Variants in ESCO1 observed in about 807,000 individuals in gnomAD.
The protein encoded by ESCO1 is N-acetyltransferase ESCO1.
In ESCO1, 33 loss-of-function variants were observed where a neutral mutation model predicts 83.5. That is an observed-to-expected ratio of 0.40 (90% confidence interval 0.30 to 0.53). The LOEUF is 0.53. Among genes scored for constraint, ESCO1 ranks in the 20% least tolerant of loss-of-function variants. The pLI, the probability that ESCO1 is intolerant of heterozygous loss-of-function variation, is 0.63. For missense variants in ESCO1, 855 were observed against 968.0 expected, an observed-to-expected ratio of 0.88 and a Z score of 1.55; for synonymous variants, 332 against 324.3, an observed-to-expected ratio of 1.02 and a Z score of -0.25.
chr18:21,580,036 C>G (rs1568110051), intron 2 of ESCO1, among the ~76,000 whole-genome samples: 4 of 151,460 alleles, frequency 2.6e-5, no homozygotes, highest in Non-Finnish European at 2.9e-5. Flanking sequence ...GCTGGGATTA[C>G]AGGCACGCAC....
chr18:21,580,308 T>C (rs1316488835), intron 2 of ESCO1, among the ~76,000 whole-genome samples: 1 of 152,064 alleles, frequency 6.6e-6, no homozygotes, highest in Non-Finnish European at 1.5e-5. Context: ...CTCAAACTTC[T>C]AGAGGGGGGA....
chr18:21,536,455 G>A (rs543140722), intron 9 of ESCO1, among the ~76,000 whole-genome samples: 5 of 152,058 alleles, frequency 3.3e-5, no homozygotes, highest in African/African-American at 4.8e-5. Flanking sequence ...GCCAGGTGCC[G>A]CAGTGTGCGC....
At chr18:21,599,263 G>A (rs1441925307) in intron 1 of ESCO1, among the ~76,000 whole-genome samples, 2 of 152,174 alleles carry the variant, frequency 1.3e-5, no homozygotes, top group Non-Finnish European at 2.9e-5. Flanking sequence ...GCTTGGGGCC[G>A]GGGAGGGAGG....
At chr18:21,532,403 A>G (rs932404973) in intron 11 of ESCO1, 70 bp downstream of exon 11, 4 of 1,482,420 alleles carry the variant, frequency 2.7e-6, no homozygotes, top group Non-Finnish European at 3.6e-6. Flanking sequence ...TTAAATGCCA[A>G]TCTTTACACT....
chr18:21,592,124 C>T (rs1047159490), intron 1 of ESCO1, among the ~76,000 whole-genome samples: 3 of 149,690 alleles, frequency 2.0e-5, no homozygotes, highest in Admixed American at 6.7e-5. Context: ...CCCACCTTTC[C>T]CGGCTTTCTA....
At chr18:21,540,054 T>C (rs1449663201) in intron 8 of ESCO1, 45 bp from the exon 9 acceptor site, 12 of 1,450,440 alleles carry the variant, frequency 8.3e-6, no homozygotes. Flanking sequence ...AAAGTATGAA[T>C]TTTATGTATA....
chr18:21,532,133 C>G (rs1348669466), intron 11 of ESCO1, among the ~76,000 whole-genome samples: 1 of 151,970 alleles, frequency 6.6e-6, no homozygotes, highest in Non-Finnish European at 1.5e-5. Context: ...AGCTGAACTC[C>G]CAAGGAACTT....
chr18:21,577,975 G>A (rs1027454716), intron 2 of ESCO1, among the ~76,000 whole-genome samples: 1 of 152,102 alleles, frequency 6.6e-6, no homozygotes, highest in Non-Finnish European at 1.5e-5. Context: ...CTGAAGATGA[G>A]TACTACTGAA....
chr18:21,587,531 T>A (rs1392445547), intron 1 of ESCO1, among the ~76,000 whole-genome samples: 1 of 152,240 alleles, frequency 6.6e-6, no homozygotes, highest in Non-Finnish European at 1.5e-5. Flanking sequence ...ATTGTTCATA[T>A]TCCCTTTTAA....
At chr18:21,537,148 T>C (rs943850518) in intron 9 of ESCO1, among the ~76,000 whole-genome samples, 2 of 152,228 alleles carry the variant, frequency 1.3e-5, no homozygotes, top group Non-Finnish European at 2.9e-5. Context: ...TCTTGCAGTT[T>C]AGCTCCTAAC....
chr18:21,570,835 G>A (rs2038330195), intron 4 of ESCO1, among the ~76,000 whole-genome samples: 1 of 152,068 alleles, frequency 6.6e-6, no homozygotes, highest in South Asian at 2.1e-4. Context: ...AAATTAGCCG[G>A]GCGTGGTGGC....
chr18:21,573,730 T>C lies in ESCO1; in HGVS notation c.1114A>G (p.Lys372Glu). The C allele has an allele frequency of 1.9e-6, 3 of 1,614,190 alleles. No homozygotes were observed. The highest frequency in any genetic ancestry group is 2.5e-6 in the Non-Finnish European group (3 of 1,180,024). Residue 372 changes from lysine (K) to glutamate (E), a missense_variant, in exon 4 of 12, where the codon AAG becomes GAG. Physicochemically the swap from Lys to Glu is moderately conservative, Grantham distance 56 (BLOSUM62 1). Coordinates refer to ENST00000269214, the MANE Select transcript of ESCO1 (RefSeq NM_052911.3). ...CCATTTAGTATACATTTCACAGGCT[T>C]TGTTTTTCTACTTGGGAAAAAACGA... ...CNRFFPSRKT[K>E]PVKCILNGIN... is the part of the protein sequence containing the mutation.
In ESCO1 at chr18:21,573,964, G is replaced by C. The variant is rs1268156097; in HGVS notation, c.880C>G (p.Gln294Glu). Residue 294 changes from glutamine (Q) to glutamate (E), a missense_variant, in exon 4 of 12, where the codon CAA (glutamine) becomes GAA (glutamate). Transcript: ENST00000269214. ...CTACCTCGTTTGCTCTTTCCTGCTT[G>C]CTCCAGCTCATTATCACTTTGTTCA... ...VPEQSDNELEQAGKSKRGSIL... is the reference protein window; with the variant it reads ...VPEQSDNELEEAGKSKRGSIL... The C allele has an allele frequency of 6.2e-7, 1 of 1,613,792 alleles. No individual in the cohort carries two copies. The highest frequency in any genetic ancestry group is 2.2e-5 in the East Asian group (1 of 44,840).
Position 21,545,516 on chromosome 18 carries a change from C to A in ESCO1, c.1954-5507G>T, listed in dbSNP as rs1336949151. 4.8e-5 allele frequency among the ~76,000 whole-genome samples: 7 copies of A among 147,030 alleles called. No homozygotes were observed. In the Admixed American group the frequency reaches 4.8e-4, roughly 10 times the overall value. ...TGAACCTGGGAGGCAGAGGCTGCAG[C>A]GAGCCGAGATCACACCATTGCACTC... On this transcript the variant is annotated intron_variant, in intron 8 of 11. Transcript: ENST00000269214.
intron 8 of ESCO1, among the ~76,000 whole-genome samples, chr18:21,542,758 C>T (rs2037922876): frequency 6.6e-6 from 1 of 152,192 alleles, no homozygotes; most frequent in East Asian, 1.9e-4. Flanking sequence ...AAATAACATA[C>T]TCAAGACATA....
chr18:21,575,762 A>C lies in ESCO1; in HGVS notation c.-678T>G. The C allele has an allele frequency of 2.5e-6, 1 of 398,286 alleles. No individual in the cohort carries two copies. Among genetic ancestry groups the C allele is most frequent in the Non-Finnish European group, 4.4e-6 (1 of 225,882 alleles). 24.7% of individuals were successfully genotyped at this position (398,286 alleles called of 1,614,324 possible). Reference sequence around the variant, plus strand: ...AACCATTCCTTCTAATATGCTCTTAACACATCACACAGCACCTGAAAGAAA... The same window carrying C: ...AACCATTCCTTCTAATATGCTCTTACCACATCACACAGCACCTGAAAGAAA... On this transcript the variant is annotated 5_prime_UTR_variant, in exon 3 of 12. Transcript: ENST00000269214.
intron 1 of ESCO1, chr18:21,593,597 T>TAGGGAGAGAGAGAGGGAG (rs2038715653): frequency 2.3e-5 from 1 of 44,078 alleles, no homozygotes; most frequent in African/African-American, 6.0e-5. Context: ...AGGGAGACCG[T>TAGGGAGAGAGAGAGGGAG]AGGGAGAGGG....
chr18:21,568,218 T>TG lies in ESCO1; in HGVS notation c.1531-125dup, dbSNP rs1402602758. On this transcript the variant is annotated intron_variant, in intron 4 of 11. Coordinates refer to ENST00000269214, the MANE Select transcript of ESCO1 (RefSeq NM_052911.3). ...TTATTTGGAGCAATTAATACAGACATGAAGTCTCCCCATGATCTTGCTACA... is the reference window on the plus strand; with the variant it reads ...TTATTTGGAGCAATTAATACAGACATGGAAGTCTCCCCATGATCTTGCTACA... 4 of 663,514 alleles carry TG rather than the reference T, an allele frequency of 6.0e-6. No individual in the cohort carries two copies. The Admixed American group carries it at 7.7e-5, about 13-fold the overall frequency. The allele number at this position is 663,514 out of a possible 1,614,324, so 41.1% of individuals were successfully genotyped here.
At chr18:21,592,771 G>A (rs1293278849) in intron 1 of ESCO1, among the ~76,000 whole-genome samples, 2 of 147,136 alleles carry the variant, frequency 1.4e-5, no homozygotes, top group Admixed American at 1.3e-4. Flanking sequence ...GCTGCCGGGC[G>A]GAGGGGCTCC....
Sources: gnomAD v4.1 joint callset for allele counts (sites outside exome capture counted in the v4.1 genomes callset) on GRCh38, gnomAD v4.1.1 for gene constraint, MANE v1.5 for transcripts, NCBI Gene and HGNC (gene_info 2026-07-23, HGNC 2026-07-21) for gene names.